The following ASPRV1 variants were observed in gnomAD, a reference collection of about 807,000 sequenced individuals.
ASPRV1 encodes aspartic peptidase retroviral like 1.
In ASPRV1, 7 loss-of-function variants were observed where a neutral mutation model predicts 11.0. The ratio of observed to expected loss-of-function variants is 0.64; its 90% CI spans 0.36 to 1.20. The LOEUF is 1.20. ASPRV1 is among the 50% of genes most tolerant of loss of function. The pLI is 0.02. For missense variants in ASPRV1, 299 were observed against 320.0 expected, an observed-to-expected ratio of 0.93 and a Z score of 0.50; for synonymous variants, 136 against 138.4, an observed-to-expected ratio of 0.98 and a Z score of 0.12.
the ASPRV1 span, among the ~76,000 whole-genome samples, chr2:70,008,633 G>T: frequency 1.1e-3 from 172 of 151,386 alleles, 1 homozygote; most frequent in African/African-American, 4.0e-3. Context: ...AAATGTTTTT[G>T]TGTGTTTTTT....
the ASPRV1 span, among the ~76,000 whole-genome samples, chr2:70,060,541 A>G: frequency 6.6e-6 from 1 of 151,658 alleles, no homozygotes; most frequent in South Asian, 2.1e-4. Flanking sequence ...CGCCGGGCAC[A>G]GTGGCTTACG....
chr2:69,943,786 A>T, the ASPRV1 span, among the ~76,000 whole-genome samples: 1 of 152,190 alleles, frequency 6.6e-6, no homozygotes, highest in African/African-American at 2.4e-5. Context: ...TCAAGTCCTC[A>T]TCATGGCAAG....
At chr2:70,023,174 G>A in the ASPRV1 span, among the ~76,000 whole-genome samples, 3 of 152,172 alleles carry the variant, frequency 2.0e-5, no homozygotes, top group Non-Finnish European at 2.9e-5. Flanking sequence ...TGGTTTCACC[G>A]ACAACCCCTC....
chr2:70,023,627 A>G, the ASPRV1 span, among the ~76,000 whole-genome samples: 1 of 151,382 alleles, frequency 6.6e-6, no homozygotes, highest in African/African-American at 2.4e-5. Context: ...TGAGCCAAGA[A>G]TGCAGCACTG....
the ASPRV1 span, chr2:70,085,752 A>C: frequency 6.6e-6 from 1 of 152,390 alleles, no homozygotes; most frequent in South Asian, 2.1e-4. Flanking sequence ...ATGCACAATA[A>C]ACGCCTGTCC....
the ASPRV1 span, among the ~76,000 whole-genome samples, chr2:70,084,343 T>C: frequency 1.3e-5 from 2 of 152,210 alleles, no homozygotes; most frequent in African/African-American, 4.8e-5. Flanking sequence ...TGGTAATATT[T>C]TTAATTCCCT....
At chr2:70,028,797 C>T in the ASPRV1 span, among the ~76,000 whole-genome samples, 1 of 152,086 alleles carries the variant, frequency 6.6e-6, no homozygotes, top group Admixed American at 6.6e-5. Context: ...CAAAAAATAG[C>T]CAGGCGTGGT....
At chr2:70,012,973 G>C in the ASPRV1 span, among the ~76,000 whole-genome samples, 2 of 152,210 alleles carry the variant, frequency 1.3e-5, no homozygotes, top group Non-Finnish European at 2.9e-5. Context: ...AATTTGAGCT[G>C]TCAAGTGAAG....
the ASPRV1 span, among the ~76,000 whole-genome samples, chr2:70,060,555 G>A: frequency 4.6e-5 from 7 of 152,214 alleles, no homozygotes; most frequent in Non-Finnish European, 8.8e-5. Context: ...GCTTACGCCT[G>A]TAATCCCAGC....
At chr2:70,047,206 G>A in the ASPRV1 span, among the ~76,000 whole-genome samples, 120 of 152,284 alleles carry the variant, frequency 7.9e-4, no homozygotes, top group Admixed American at 6.7e-3. Context: ...TTTAGTGAGA[G>A]TGGGTAAGAA....
At chr2:69,933,216 A>C in the ASPRV1 span, among the ~76,000 whole-genome samples, 108 of 150,972 alleles carry the variant, frequency 7.2e-4, no homozygotes, top group African/African-American at 1.7e-3. Flanking sequence ...AAAAAAAAAA[A>C]AAAAAAAACA....
At chr2:69,972,435 G>A in the ASPRV1 span, among the ~76,000 whole-genome samples, 18,456 of 150,294 alleles carry the variant, frequency 0.12, 1,583 homozygotes, top group South Asian at 0.25. Context: ...TCGGCTCACT[G>A]CAACGTCTGT....
At chr2:70,001,777 T>A in the ASPRV1 span, among the ~76,000 whole-genome samples, 5 of 151,972 alleles carry the variant, frequency 3.3e-5, no homozygotes, top group Non-Finnish European at 2.9e-5. Flanking sequence ...AGAATAATGA[T>A]AATAATAATA....
the ASPRV1 span, chr2:70,048,927 C>T: frequency 6.6e-6 from 1 of 152,188 alleles, no homozygotes; most frequent in Non-Finnish European, 1.5e-5. Context: ...GTGTCCCTCT[C>T]TTCTTATGAC....
chr2:70,026,263 G>C, the ASPRV1 span, among the ~76,000 whole-genome samples: 2 of 151,884 alleles, frequency 1.3e-5, no homozygotes, highest in Non-Finnish European at 2.9e-5. Flanking sequence ...GAAAACAAGA[G>C]TGAAACTCCA....
chr2:70,036,363 A>T, the ASPRV1 span, among the ~76,000 whole-genome samples: 1 of 152,102 alleles, frequency 6.6e-6, no homozygotes, highest in Non-Finnish European at 1.5e-5. Context: ...CAGAAAATGA[A>T]ATTAGAGAAA....
the ASPRV1 span, among the ~76,000 whole-genome samples, chr2:70,075,688 A>T: frequency 6.6e-6 from 1 of 152,040 alleles, no homozygotes; most frequent in Non-Finnish European, 1.5e-5. Context: ...CTCTACTAAA[A>T]ATACAAAATT....
the ASPRV1 span, among the ~76,000 whole-genome samples, chr2:69,948,789 T>TC: frequency 1.3e-5 from 2 of 151,824 alleles, no homozygotes; most frequent in Non-Finnish European, 2.9e-5. Context: ...GCCCCCCGCC[T>TC]CCCCTGTAAA....
the ASPRV1 span, chr2:70,045,841 T>G: frequency 2.6e-5 from 4 of 152,144 alleles, no homozygotes; most frequent in Admixed American, 6.6e-5. Context: ...GAGAATCGCT[T>G]AAACCCAGAG....
Sources: gnomAD v4.1 joint callset for allele counts (sites outside exome capture counted in the v4.1 genomes callset) on GRCh38, gnomAD v4.1.1 for gene constraint, MANE v1.5 for transcripts, NCBI Gene and HGNC (gene_info 2026-07-23, HGNC 2026-07-21) for gene names.